Variants in PRKACA observed in about 807,000 individuals in gnomAD.
PRKACA encodes protein kinase cAMP-activated catalytic subunit alpha, also known as cAMP-dependent protein kinase catalytic subunit alpha.
Under a neutral mutation model 45.8 loss-of-function variants are expected in PRKACA, and 9 were observed. The ratio of observed to expected loss-of-function variants is 0.20; its 90% CI spans 0.12 to 0.34. PRKACA has a LOEUF of 0.34. PRKACA is among the 10% of genes least tolerant of loss of function. PRKACA has a pLI of 1.00. For synonymous variants in PRKACA, 160 were observed against 178.6 expected (o/e 0.90, Z 0.83); for missense variants, 238 against 458.6 (o/e 0.52, Z 4.39).
intron 8 of PRKACA, among the ~76,000 whole-genome samples, chr19:14,094,839 C>T (rs958842233): frequency 2.0e-5 from 3 of 152,264 alleles, no homozygotes; most frequent in Admixed American, 2.0e-4. Context: ...CCCAGCTCAA[C>T]TCTTCTTGAA....
intron 4 of PRKACA, 50 bp from the exon 5 acceptor site, chr19:14,100,958 G>T (rs560004578): frequency 1.9e-6 from 3 of 1,539,722 alleles, no homozygotes; most frequent in South Asian, 1.1e-5. Flanking sequence ...ACTTGGACCC[G>T]ATCTGAAGGC....
At chr19:14,100,744 C>A in intron 5 of PRKACA, 82 bp downstream of exon 5, 1 of 1,402,626 alleles carries the variant, frequency 7.1e-7, no homozygotes, top group Non-Finnish European at 1.0e-6. Flanking sequence ...CTGGACTCCT[C>A]TGCATTCCCA....
chr19:14,098,842 A>C (rs1977351204), intron 5 of PRKACA, among the ~76,000 whole-genome samples: 1 of 151,494 alleles, frequency 6.6e-6, no homozygotes, highest in Non-Finnish European at 1.5e-5. Flanking sequence ...AAAGGGATTC[A>C]AGGGAATTTT....
intron 5 of PRKACA, 67 bp downstream of exon 5, chr19:14,100,759 G>A: frequency 2.0e-6 from 3 of 1,490,962 alleles, no homozygotes; most frequent in Non-Finnish European, 2.8e-6. Context: ...TTCCCAGGGG[G>A]CTTGGTCGTG....
rs763136554 is a variant in PRKACA, at chr19:14,106,772, G to A, written c.225C>T (p.Leu75=). The change falls in exon 3 of 10, where the codon CTC becomes CTT. Residue 75 remains leucine (L), a synonymous_variant. Transcript: ENST00000308677. ...ETGNHYAMKI[L]DKQKVVKLKQ... ...CAGGCCACCTCACCTTCTGTTTGTC[G>A]AGGATCTTCATGGCATAGTGGTTCC... 17 of 1,614,082 alleles carry A rather than the reference G, an allele frequency of 1.1e-5. No individual in the cohort carries two copies. Among genetic ancestry groups the A allele is most frequent in the Admixed American group, 1.7e-5 (1 of 60,012 alleles).
chr19:14,106,861 G>T lies in PRKACA; in HGVS notation c.136C>A (p.Arg46=), dbSNP rs764242716. The T allele has an allele frequency of 3.1e-6, 5 of 1,614,146 alleles. No homozygotes were observed. The South Asian group carries it at 4.4e-5, about 14-fold the overall frequency. Residue 46 remains arginine (R), a synonymous_variant, in exon 3 of 10, where the codon CGA becomes AGA. Transcript: ENST00000308677. ...GAGCCCGTGCCGAGGGTCTTGATTC[G>T]TTCAAACTGATCCAAGTGGGCTGTG... is the stretch of plus-strand genomic sequence containing the variant. ...QNTAHLDQFE[R]IKTLGTGSFG... is the part of the protein sequence containing the mutation.
intron 1 of PRKACA, among the ~76,000 whole-genome samples, chr19:14,113,935 G>C (rs1408828227): frequency 6.6e-6 from 1 of 152,108 alleles, no homozygotes; most frequent in Non-Finnish European, 1.5e-5. Flanking sequence ...ATCCTCCCTT[G>C]TCTGAACTGG....
chr19:14,095,881 A>C (rs899529891), intron 8 of PRKACA, among the ~76,000 whole-genome samples: 2 of 151,568 alleles, frequency 1.3e-5, no homozygotes, highest in Admixed American at 1.3e-4. Context: ...GAATTTTTTT[A>C]AAAGACAGGG....
At chr19:14,108,235 G>A in intron 1 of PRKACA, 1 of 860,642 alleles carries the variant, frequency 1.2e-6, no homozygotes, top group Non-Finnish European at 1.4e-6. Context: ...TGTGACTTTG[G>A]GTAACTGATC....
intron 8 of PRKACA, among the ~76,000 whole-genome samples, chr19:14,096,032 GTT>G (rs60082323): frequency 3.9e-4 from 36 of 92,584 alleles, no homozygotes; most frequent in African/African-American, 1.4e-3. Flanking sequence ...CTAATTTTTA[GTT>G]TTTTTTTTTT....
At chr19:14,112,072 C>G (rs1442980133) in intron 1 of PRKACA, among the ~76,000 whole-genome samples, 7 of 152,128 alleles carry the variant, frequency 4.6e-5, no homozygotes, top group Non-Finnish European at 5.9e-5. Flanking sequence ...TCTCAAAGGA[C>G]CAGAGCGCCC....
chr19:14,103,049 T>G, intron 3 of PRKACA, 135 bp from the exon 4 acceptor site: 1 of 723,650 alleles, frequency 1.4e-6, no homozygotes, highest in Non-Finnish European at 2.5e-6. Context: ...CTGTGGCCTG[T>G]CGGGCCCTTA....
chr19:14,096,032 G>GTTTTTTTTTTTTTTTTTTTTTTTT, intron 8 of PRKACA, among the ~76,000 whole-genome samples: 1 of 92,580 alleles, frequency 1.1e-5, no homozygotes, highest in Non-Finnish European at 2.1e-5. Flanking sequence ...CTAATTTTTA[G>GTTTTTTTTTTTTTTTTTTTTTTTT]TTTTTTTTTT....
At chr19:14,101,562 TAAAC>T (rs1175859231) in intron 4 of PRKACA, among the ~76,000 whole-genome samples, 3 of 151,084 alleles carry the variant, frequency 2.0e-5, no homozygotes, top group African/African-American at 4.9e-5. Flanking sequence ...GACCTTATCT[TAAAC>T]AAAACAAAAC....
At chr19:14,114,237 T>G (rs1433099039) in intron 1 of PRKACA, 2 of 1,559,014 alleles carry the variant, frequency 1.3e-6, no homozygotes, top group South Asian at 1.2e-5. Flanking sequence ...CGGCTGTCTG[T>G]CCCCAGAACC....
At chr19:14,111,354 G>A (rs1161771351) in intron 1 of PRKACA, among the ~76,000 whole-genome samples, 1 of 151,574 alleles carries the variant, frequency 6.6e-6, no homozygotes, top group Non-Finnish European at 1.5e-5. Context: ...CTCAGATCGC[G>A]CCATTGCACT....
chr19:14,107,840 C>G, intron 1 of PRKACA: 1 of 995,770 alleles, frequency 1.0e-6, no homozygotes, highest in South Asian at 4.4e-5. Flanking sequence ...TAGCAGGTGC[C>G]CTTGGGGGGC....
At chr19:14,103,456 C>T (rs1977503876) in intron 3 of PRKACA, among the ~76,000 whole-genome samples, 1 of 152,210 alleles carries the variant, frequency 6.6e-6, no homozygotes, top group Non-Finnish European at 1.5e-5. Context: ...GGCACCCAGT[C>T]TCTCACTGAA....
chr19:14,095,751 C>T (rs879580620), intron 8 of PRKACA, among the ~76,000 whole-genome samples: 6 of 152,084 alleles, frequency 3.9e-5, no homozygotes, highest in Non-Finnish European at 5.9e-5. Context: ...CTCCTGACCT[C>T]GTGATCCACC....
Sources: gnomAD v4.1 joint callset for allele counts (sites outside exome capture counted in the v4.1 genomes callset) on GRCh38, gnomAD v4.1.1 for gene constraint, MANE v1.5 for transcripts, NCBI Gene and HGNC (gene_info 2026-07-23, HGNC 2026-07-21) for gene names.